G6PC1: variants seen among roughly 807,000 people sequenced by gnomAD.
The protein encoded by G6PC1 is glucose-6-phosphatase catalytic subunit 1.
Under a neutral mutation model 30.4 loss-of-function variants are expected in G6PC1, and 23 were observed. The ratio of observed to expected loss-of-function variants is 0.76; its 90% CI spans 0.55 to 1.07. The LOEUF (loss-of-function observed/expected upper bound fraction) is 1.07, where lower values mean the gene tolerates loss of function less well. Among genes scored for constraint, G6PC1 ranks in the 50% least tolerant of loss-of-function variants. The pLI, the probability that G6PC1 is intolerant of heterozygous loss-of-function variation, is 0.00. For synonymous variants in G6PC1, 163 were observed against 175.6 expected (o/e 0.93, Z 0.57); for missense variants, 391 against 433.9 (o/e 0.90, Z 0.88).
At position 42,913,897 on chromosome 17, in the gene G6PC1, G is replaced by A. The variant is rs2056111120; in HGVS notation, c.*2471G>A. Among the ~76,000 whole-genome samples the A allele has an allele frequency of 6.6e-6, 1 of 152,228 alleles. No individual in the cohort carries two copies. The highest frequency in any genetic ancestry group is 2.4e-5 in the African/African-American group (1 of 41,538). ...AGATTTATTTCATCCTGGGTGCAGG[G>A]TTCGACCTCCAAAGGCCTCAAATCA... is the stretch of plus-strand genomic sequence containing the variant. On this transcript the variant is annotated 3_prime_UTR_variant, in exon 5 of 5. Transcript: ENST00000253801.
intron 2 of G6PC1, among the ~76,000 whole-genome samples, chr17:42,906,148 G>A (rs1212669587): frequency 6.6e-6 from 1 of 151,962 alleles, no homozygotes; most frequent in African/African-American, 2.4e-5. Flanking sequence ...GAAAGGGAAG[G>A]AGGAAGGGAG....
chr17:42,914,212 G>GA lies in G6PC1; in HGVS notation c.*2786_*2787insA, dbSNP rs755732323. Among the ~76,000 whole-genome samples, 18 of 151,858 alleles carry GA rather than the reference G, an allele frequency of 1.2e-4. No homozygotes were observed. Among genetic ancestry groups the GA allele is most frequent in the Non-Finnish European group, 2.4e-4 (16 of 68,006 alleles). ...AGCCTCCCAAAGTGCTGGGATTACA[G>GA]TGTGAGCCACTGCGCTTGGCCAGAA... On this transcript the variant is annotated 3_prime_UTR_variant, in exon 5 of 5. Coordinates refer to ENST00000253801, the MANE Select transcript of G6PC1 (RefSeq NM_000151.4).
At chr17:42,909,587 TAA>T (rs1264440523) in intron 4 of G6PC1, among the ~76,000 whole-genome samples, 169 bp downstream of exon 4, 1 of 152,226 alleles carries the variant, frequency 6.6e-6, no homozygotes, top group South Asian at 2.1e-4. Context: ...TTAATTTCTA[TAA>T]GAGTGCCCAG....
intron 3 of G6PC1, among the ~76,000 whole-genome samples, chr17:42,907,933 T>C (rs1169770415): frequency 6.6e-6 from 1 of 152,206 alleles, no homozygotes; most frequent in Admixed American, 6.5e-5. Context: ...CCCATGTCTG[T>C]ACCAACCACA....
At chr17:42,905,415 G>GA (rs1241281428) in intron 2 of G6PC1, among the ~76,000 whole-genome samples, 498 of 48,870 alleles carry the variant, frequency 0.01, 2 homozygotes, top group East Asian at 0.029. Context: ...GACACCATCT[G>GA]AAAAAAAAAA....
At chr17:42,910,080 T>C (rs1310398645) in intron 4 of G6PC1, among the ~76,000 whole-genome samples, 1 of 152,064 alleles carries the variant, frequency 6.6e-6, no homozygotes, top group Non-Finnish European at 1.5e-5. Flanking sequence ...CTTGATCTCC[T>C]GACCTCGTGA....
At chr17:42,905,441 T>TACACACAC (rs1475508893) in intron 2 of G6PC1, among the ~76,000 whole-genome samples, 4 of 103,286 alleles carry the variant, frequency 3.9e-5, no homozygotes, top group African/African-American at 1.8e-4. Flanking sequence ...TATATATATA[T>TACACACAC]ATACACACAC....
chr17:42,907,538 A>T lies in G6PC1; in HGVS notation c.356A>T (p.His119Leu), dbSNP rs1401928680. Residue 119 changes from histidine to leucine, a missense_variant, in exon 3 of 5, where the codon CAT (histidine) becomes CTT (leucine). Transcript: ENST00000253801. ...TGCCCTTTAGGGAGCCCCTCTGGCC[A>T]TGCCATGGGCACAGCAGGTGTATAC... ...CETGPGSPSG[H>L]AMGTAGVYYV... is the part of the protein sequence containing the mutation. 4 of 1,612,928 alleles carry T rather than the reference A, an allele frequency of 2.5e-6. No homozygotes were observed. In the East Asian group the frequency reaches 8.9e-5, roughly 36 times the overall value.
At chr17:42,909,819 T>G (rs2056084276) in intron 4 of G6PC1, among the ~76,000 whole-genome samples, 1 of 152,242 alleles carries the variant, frequency 6.6e-6, no homozygotes, top group South Asian at 2.1e-4. Context: ...AATAGATAAC[T>G]GCAGTTGATC....
chr17:42,906,112 A>AAGGG (rs2056060873), intron 2 of G6PC1, among the ~76,000 whole-genome samples: 1 of 150,836 alleles, frequency 6.6e-6, no homozygotes, highest in South Asian at 2.1e-4. Flanking sequence ...AAGGAAGAAG[A>AAGGG]AGGGAGGGAG....
At chr17:42,903,024 T>TA (rs1338347095) in intron 1 of G6PC1, among the ~76,000 whole-genome samples, 1 of 150,568 alleles carries the variant, frequency 6.6e-6, no homozygotes, top group Non-Finnish European at 1.5e-5. Context: ...CCAGGACAAA[T>TA]ACTTCTTGAG....
chr17:42,907,833 G>A (rs1346439806), intron 3 of G6PC1, among the ~76,000 whole-genome samples: 1 of 152,124 alleles, frequency 6.6e-6, no homozygotes, highest in Non-Finnish European at 1.5e-5. Context: ...AGTGCAATCC[G>A]TTGTTTTACA....
chr17:42,907,492 C>T (rs1567705006), intron 2 of G6PC1, 31 bp from the exon 3 acceptor site: 2 of 1,512,268 alleles, frequency 1.3e-6, no homozygotes, highest in Non-Finnish European at 1.8e-6. Flanking sequence ...GACCTTTTCA[C>T]CTTTACTCCA....
At chr17:42,901,726 G>T (rs1473217842) in intron 1 of G6PC1, among the ~76,000 whole-genome samples, 3 of 151,484 alleles carry the variant, frequency 2.0e-5, no homozygotes, top group African/African-American at 7.3e-5. Context: ...AAAGATAGAT[G>T]ATGTATGCTG....
chr17:42,913,560 G>A lies in G6PC1; in HGVS notation c.*2134G>A, dbSNP rs886052963. Among the ~76,000 whole-genome samples, 1 of 152,160 alleles carries A rather than the reference G, an allele frequency of 6.6e-6. No individual in the cohort carries two copies. The highest frequency in any genetic ancestry group is 1.5e-5 in the Non-Finnish European group (1 of 68,036). On this transcript the variant is annotated 3_prime_UTR_variant, in exon 5 of 5. Transcript: ENST00000253801. ...CACAGGCAGAGTTGAGCACATAAAC[G>A]GAGGCCCAAAATCAGCATAGAACCA... is the stretch of plus-strand genomic sequence containing the variant.
chr17:42,909,220 G>T, intron 3 of G6PC1, 83 bp from the exon 4 acceptor site: 1 of 1,047,354 alleles, frequency 9.5e-7, no homozygotes, highest in South Asian at 1.3e-5. Flanking sequence ...AAGTTTGCCA[G>T]GCTCCAACAT....
chr17:42,911,527 TGCCATCCATTCTGCCGTCGTGGAATTA>T lies in G6PC1; in HGVS notation c.*102_*128del, dbSNP rs1447790159. 1 of 1,548,418 alleles carries T rather than the reference TGCCATCCATTCTGCCGTCGTGGAATTA, an allele frequency of 6.5e-7. No individual in the cohort carries two copies. The highest frequency in any genetic ancestry group is 1.4e-5 in the African/African-American group (1 of 73,780). On this transcript the variant is annotated 3_prime_UTR_variant, in exon 5 of 5. Transcript: ENST00000253801. ...GCACTGGTATTTGGAGCAAGTGACA[TGCCATCCATTCTGCCGTCGTGGAATTA>T]AATCACGGATGGCAGATTGGAGGGT...
In G6PC1 at chr17:42,900,932, T is replaced by A. The variant is rs1291588614; in HGVS notation, c.56T>A (p.Leu19His). Residue 19 changes from leucine to histidine, a missense_variant, in exon 1 of 5, where the codon CTC (leucine) becomes CAC (histidine). Physicochemically the swap from Leu to His is moderately conservative, Grantham distance 99 (BLOSUM62 -3). Transcript: ENST00000253801. The part of the protein sequence containing the change: ...HDFGIQSTHY[L>H]QVNYQDSQDW... Reference sequence around the variant, plus strand: ...TTTGGGATCCAGTCAACACATTACCTCCAGGTGAATTACCAAGACTCCCAG... The same window carrying A: ...TTTGGGATCCAGTCAACACATTACCACCAGGTGAATTACCAAGACTCCCAG... The A allele has an allele frequency of 6.2e-7, 1 of 1,614,098 alleles. No individual in the cohort carries two copies. The highest frequency in any genetic ancestry group is 1.7e-5 in the Admixed American group (1 of 60,014).
intron 2 of G6PC1, among the ~76,000 whole-genome samples, chr17:42,906,383 G>A (rs1417820765): frequency 6.6e-6 from 1 of 152,152 alleles, no homozygotes; most frequent in African/African-American, 2.4e-5. Flanking sequence ...TTGGGACAAG[G>A]GAATCAGACC....
Sources: gnomAD v4.1 joint callset for allele counts (sites outside exome capture counted in the v4.1 genomes callset) on GRCh38, gnomAD v4.1.1 for gene constraint, MANE v1.5 for transcripts, NCBI Gene and HGNC (gene_info 2026-07-23, HGNC 2026-07-21) for gene names.